The following CFAP92 variants were observed in gnomAD, a reference collection of about 807,000 sequenced individuals.
The protein encoded by CFAP92 is uncharacterized protein CFAP92.
CFAP92 carries 86 observed loss-of-function variants against 106.3 expected under a neutral mutation model. The ratio of observed to expected loss-of-function variants is 0.81; its 90% confidence interval spans 0.68 to 0.97. The LOEUF is 0.97. Ranked by LOEUF, CFAP92 falls within the 50% of genes least tolerant of loss-of-function variation. The pLI is 0.00. For missense variants in CFAP92, 1,204 were observed against 1,283.8 expected, an observed-to-expected ratio of 0.94 and a Z score of 0.95; for synonymous variants, 477 against 506.4, an observed-to-expected ratio of 0.94 and a Z score of 0.78.
At chr3:128,952,546 T>C (rs1940916614) in intron 9 of CFAP92, among the ~76,000 whole-genome samples, 1 of 152,192 alleles carries the variant, frequency 6.6e-6, no homozygotes, top group Non-Finnish European at 1.5e-5. Flanking sequence ...TGGAATTATC[T>C]GAAAAGGAAT....
chr3:128,996,226 TC>T (rs1386371731), upstream of CFAP92, among the ~76,000 whole-genome samples: 3 of 152,242 alleles, frequency 2.0e-5, no homozygotes, highest in East Asian at 5.8e-4. Flanking sequence ...CTTCAAATGA[TC>T]CCAGCCCTCA....
the CFAP92 span, among the ~76,000 whole-genome samples, chr3:129,017,171 T>C: frequency 5.3e-5 from 8 of 152,236 alleles, no homozygotes; most frequent in Non-Finnish European, 7.3e-5. Flanking sequence ...CATGCCTGTT[T>C]CTAAACCAAT....
chr3:129,011,824 C>T, the CFAP92 span, among the ~76,000 whole-genome samples: 1 of 152,162 alleles, frequency 6.6e-6, no homozygotes, highest in Non-Finnish European at 1.5e-5. Flanking sequence ...CTCTCTCGAG[C>T]CTGAGGCTTT....
chr3:128,923,076 G>A (rs191410668), intron 12 of CFAP92, among the ~76,000 whole-genome samples: 1 of 152,352 alleles, frequency 6.6e-6, no homozygotes, highest in East Asian at 1.9e-4. Flanking sequence ...ATGCCTCCCA[G>A]CTACAGCCAC....
At position 128,945,950 on chromosome 3, in the gene CFAP92, T is replaced by C; in HGVS notation, c.1379A>G (p.Lys460Arg). The change falls in exon 10 of 16, where the codon AAG (lysine) becomes AGG (arginine). Residue 460 changes from lysine (K) to arginine (R), a missense_variant. By Grantham distance (26) the Lys-to-Arg change is conservative. Coordinates refer to ENST00000645291, the MANE Select transcript of CFAP92 (RefSeq NM_001394090.1). The stretch of plus-strand genomic sequence containing the variant: ...AACTGGAGTCTTATGGAACTGGTAC[T>C]TGCAGTACACAGGCATGCACAGCCT... ...LERLCMPVYC[K>R]YQFHKTPVHK... is the part of the protein sequence containing the mutation. 6.9e-7 allele frequency: 1 copy of C among 1,445,974 alleles called. No homozygotes were observed. Among genetic ancestry groups the C allele is most frequent in the South Asian group, 1.5e-5 (1 of 68,224 alleles). The allele number at this position is 1,445,974 out of a possible 1,614,324, so 89.6% of individuals were successfully genotyped here. A position where few individuals can be genotyped will look rare whatever the true frequency, so the allele number is the denominator to read the frequency against.
At chr3:128,992,588 T>A (rs556120041) in intron 2 of CFAP92, among the ~76,000 whole-genome samples, 25 of 152,138 alleles carry the variant, frequency 1.6e-4, no homozygotes, top group Non-Finnish European at 2.6e-4. Flanking sequence ...TATTTTTTTT[T>A]TTTTTGACAG....
upstream of CFAP92, among the ~76,000 whole-genome samples, chr3:128,995,178 A>C (rs934701740): frequency 6.6e-6 from 1 of 152,196 alleles, no homozygotes; most frequent in Non-Finnish European, 1.5e-5. Flanking sequence ...CTTTGTGTCA[A>C]AGAGCAAAAC....
the CFAP92 span, among the ~76,000 whole-genome samples, chr3:129,025,144 C>T: frequency 6.6e-6 from 1 of 152,112 alleles, no homozygotes; most frequent in Admixed American, 6.5e-5. Context: ...GCCCGAGGTT[C>T]AAGAGAGAGG....
chr3:128,962,134 C>T (rs1399061116), intron 9 of CFAP92, among the ~76,000 whole-genome samples: 2 of 152,232 alleles, frequency 1.3e-5, no homozygotes, highest in African/African-American at 2.4e-5. Flanking sequence ...TGGCCCGAGG[C>T]TCTCTGACTG....
Position 128,952,995 on chromosome 3 carries a change from C to A in CFAP92, c.1354-7020G>T, listed in dbSNP as rs571030063. Reference sequence around the variant, plus strand: ...CTATTTGGGAAGCTGAGGCAGAGAACTGCTTGAACCCAGGATGCGGAGGTT... The same window carrying A: ...CTATTTGGGAAGCTGAGGCAGAGAAATGCTTGAACCCAGGATGCGGAGGTT... On this transcript the variant is annotated intron_variant, in intron 9 of 15. Transcript: ENST00000645291. 2.0e-5 allele frequency among the ~76,000 whole-genome samples: 3 copies of A among 152,268 alleles called. No homozygotes were observed. In the South Asian group the frequency reaches 6.2e-4, roughly 32 times the overall value.
chr3:128,973,693 G>T (rs1003226056), intron 7 of CFAP92, among the ~76,000 whole-genome samples: 7 of 151,902 alleles, frequency 4.6e-5, no homozygotes, highest in African/African-American at 1.7e-4. Context: ...ATGCTGCCTG[G>T]AGAGTAAACC....
In CFAP92 at chr3:128,945,979, C is replaced by T. The variant is rs537758216; in HGVS notation, c.1354-4G>A. On this transcript the variant is annotated splice_polypyrimidine_tract_variant and splice_region_variant and intron_variant, in intron 9 of 15. Coordinates refer to ENST00000645291, the MANE Select transcript of CFAP92 (RefSeq NM_001394090.1). Reference sequence around the variant, plus strand: ...AGTACACAGGCATGCACAGCCTCTACGAGAGAGCAGGGCCACAGCAGGTCA... The same window carrying T: ...AGTACACAGGCATGCACAGCCTCTATGAGAGAGCAGGGCCACAGCAGGTCA... 323 of 1,427,856 alleles carry T rather than the reference C, an allele frequency of 2.3e-4. 2 individuals are homozygous for T. The African/African-American group carries it at 3.6e-3, about 16-fold the overall frequency. 88.4% of individuals were successfully genotyped at this position (1,427,856 alleles called of 1,614,324 possible). A position where few individuals can be genotyped will look rare whatever the true frequency, so the allele number is the denominator to read the frequency against.
intron 10 of CFAP92, among the ~76,000 whole-genome samples, chr3:128,936,048 A>AC (rs1193871056): frequency 4.6e-5 from 7 of 151,330 alleles, no homozygotes; most frequent in African/African-American, 1.5e-4. Flanking sequence ...TGCCTGTCTC[A>AC]CCCCCCTTCC....
intron 12 of CFAP92, among the ~76,000 whole-genome samples, chr3:128,918,436 C>T (rs920044389): frequency 6.6e-6 from 1 of 152,168 alleles, no homozygotes. Context: ...TCATGCCACT[C>T]TACTCCAGCC....
intron 10 of CFAP92, among the ~76,000 whole-genome samples, chr3:128,942,678 T>TC (rs1939761766): frequency 7.3e-6 from 1 of 137,438 alleles, no homozygotes; most frequent in African/African-American, 2.7e-5. Context: ...CAAAACTCAA[T>TC]CTTTTTTTTT....
intron 15 of CFAP92, chr3:128,910,597 T>C: frequency 1.1e-6 from 1 of 920,986 alleles, no homozygotes; most frequent in Non-Finnish European, 1.8e-6. Flanking sequence ...GGGCTGGAAT[T>C]AGAACCCAAG....
chr3:129,008,348 C>T, the CFAP92 span, among the ~76,000 whole-genome samples: 4 of 152,212 alleles, frequency 2.6e-5, no homozygotes, highest in Admixed American at 6.5e-5. Context: ...GTTTCAGCTC[C>T]ATCTCCTGCT....
intron 9 of CFAP92, among the ~76,000 whole-genome samples, chr3:128,961,414 T>C (rs1044993161): frequency 1.3e-5 from 2 of 152,020 alleles, no homozygotes; most frequent in African/African-American, 4.8e-5. Flanking sequence ...CAGGCCGAGC[T>C]AGGTCCCAAT....
chr3:129,001,645 C>CGGGCGCGGAGGCCGGCATGGA (rs1435101508), intron 1 of CFAP92: 2 of 1,386,524 alleles, frequency 1.4e-6, no homozygotes, highest in Non-Finnish European at 1.9e-6. Context: ...CCGGTCAGCA[C>CGGGCGCGGAGGCCGGCATGGA]GGGCGCGGAG....
Sources: allele counts gnomAD v4.1 joint callset (sites outside exome capture counted in the v4.1 genomes callset), GRCh38; gene constraint gnomAD v4.1.1; transcripts MANE v1.5; gene names NCBI Gene and HGNC (gene_info 2026-07-23, HGNC 2026-07-21).